SHC3: variants seen among roughly 807,000 people sequenced by gnomAD.
The protein encoded by SHC3 is SHC-transforming protein 3.
Under a neutral mutation model 60.4 loss-of-function variants are expected in SHC3, and 15 were observed. The observed-to-expected ratio is 0.25, with a 90% CI of 0.17 to 0.38. The LOEUF is 0.38. Ranked by LOEUF, SHC3 falls within the 10% of genes least tolerant of loss-of-function variation. The pLI is 1.00. For missense variants in SHC3, 677 were observed against 786.1 expected, an observed-to-expected ratio of 0.86 and a Z score of 1.66; for synonymous variants, 294 against 325.9, an observed-to-expected ratio of 0.90 and a Z score of 1.05.
At position 89,106,621 on chromosome 9, in the gene SHC3, G is replaced by A. The variant is rs532507925; in HGVS notation, c.545+5935C>T. 1.5e-4 allele frequency among the ~76,000 whole-genome samples: 23 copies of A among 152,216 alleles called. No homozygotes were observed. The East Asian group carries it at 2.9e-3, about 19-fold the overall frequency. On this transcript the variant is annotated intron_variant, in intron 2 of 11. Coordinates refer to ENST00000375835, the MANE Select transcript of SHC3 (RefSeq NM_016848.6). Reference sequence around the variant, plus strand: ...CCCCAAAGGGCCCAGCGCCCACAGCGGGACCCTGCTCCAGATGGTCCTGGG... The same window carrying A: ...CCCCAAAGGGCCCAGCGCCCACAGCAGGACCCTGCTCCAGATGGTCCTGGG...
At chr9:89,126,423 A>G in intron 1 of SHC3, among the ~76,000 whole-genome samples, 1 of 152,168 alleles carries the variant, frequency 6.6e-6, no homozygotes, top group East Asian at 1.9e-4. Flanking sequence ...TTCTCTTTTA[A>G]TTAATCTGCC....
At chr9:89,072,206 C>T (rs1331697092) in intron 4 of SHC3, among the ~76,000 whole-genome samples, 2 of 152,172 alleles carry the variant, frequency 1.3e-5, no homozygotes, top group Non-Finnish European at 2.9e-5. Context: ...CAATAAAAGT[C>T]TGACCTTGTG....
At chr9:89,057,315 CTT>C (rs10606274) in intron 6 of SHC3, among the ~76,000 whole-genome samples, 27,853 of 133,660 alleles carry the variant, frequency 0.21, 4,523 homozygotes, top group African/African-American at 0.46. Flanking sequence ...TTTCCTTTTT[CTT>C]TTTTTTTTTT....
At chr9:89,039,095 A>C (rs1301685341) in intron 10 of SHC3, among the ~76,000 whole-genome samples, 1 of 152,216 alleles carries the variant, frequency 6.6e-6, no homozygotes, top group Non-Finnish European at 1.5e-5. Flanking sequence ...GACTCTGAAA[A>C]ATGCACAGTG....
chr9:89,161,575 T>TA (rs1417922223), intron 1 of SHC3, among the ~76,000 whole-genome samples: 1 of 152,172 alleles, frequency 6.6e-6, no homozygotes, highest in Non-Finnish European at 1.5e-5. Context: ...CAGGCTGCCA[T>TA]AACAAATATA....
chr9:89,071,023 TACCCCTAAAAATAAAACGATGGCC>T (rs979532499), intron 5 of SHC3, among the ~76,000 whole-genome samples, 152 bp downstream of exon 5: 2 of 152,170 alleles, frequency 1.3e-5, no homozygotes, highest in Admixed American at 6.5e-5. Flanking sequence ...TGTCACAGCT[TACCCCTAAAAATAAAACGATGGCC>T]AAGAAGATCT....
intron 2 of SHC3, among the ~76,000 whole-genome samples, chr9:89,081,634 C>T (rs1825446417): frequency 6.6e-6 from 1 of 152,094 alleles, no homozygotes; most frequent in Non-Finnish European, 1.5e-5. Flanking sequence ...CTTTCTAATT[C>T]AATGCATTCA....
chr9:89,038,445 A>G (rs1445015000), intron 10 of SHC3, among the ~76,000 whole-genome samples, 157 bp from the exon 11 acceptor site: 1 of 152,192 alleles, frequency 6.6e-6, no homozygotes, highest in Admixed American at 6.5e-5. Flanking sequence ...CTGGCTGGTA[A>G]TATAACAAGA....
intron 11 of SHC3, chr9:89,037,428 C>A: frequency 1.5e-6 from 1 of 679,404 alleles, no homozygotes; most frequent in Non-Finnish European, 2.7e-6. Context: ...AGATGAATGT[C>A]TTTCTTGACG....
intron 2 of SHC3, among the ~76,000 whole-genome samples, chr9:89,100,560 G>A (rs774087883): frequency 2.6e-5 from 4 of 152,058 alleles, no homozygotes; most frequent in Admixed American, 1.3e-4. Context: ...ATATAGTCAC[G>A]TAACTATCAT....
intron 6 of SHC3, among the ~76,000 whole-genome samples, chr9:89,061,580 T>C (rs139446151): frequency 9.2e-4 from 140 of 152,336 alleles, no homozygotes; most frequent in African/African-American, 3.2e-3. Flanking sequence ...TATGTAGGCT[T>C]CTCTCCCATT....
rs1554697884 is a variant in SHC3, at chr9:89,118,220, A to AC, written c.475-5595_475-5594insG. On this transcript the variant is annotated intron_variant, in intron 1 of 11. Coordinates refer to ENST00000375835, the MANE Select transcript of SHC3 (RefSeq NM_016848.6). ...AATTTTTTCCATTCCGTCTCTACCTATTTTTTTTTTTTTTTTGCTAACAGA... is the reference window on the plus strand; with the variant it reads ...AATTTTTTCCATTCCGTCTCTACCTACTTTTTTTTTTTTTTTTGCTAACAGA... Among the ~76,000 whole-genome samples, 275 of 130,426 alleles carry AC rather than the reference A, an allele frequency of 2.1e-3. 4 individuals carry two copies. Among genetic ancestry groups the AC allele is most frequent in the African/African-American group, 7.2e-3 (256 of 35,488 alleles). The allele number at this position is 130,426 out of a possible 152,430, so 85.6% of individuals were successfully genotyped here. A position where few individuals can be genotyped will look rare whatever the true frequency, so the allele number is the denominator to read the frequency against.
At chr9:89,028,694 T>G (rs992821161) in intron 11 of SHC3, among the ~76,000 whole-genome samples, 19 of 144,960 alleles carry the variant, frequency 1.3e-4, no homozygotes, top group African/African-American at 4.8e-4. Context: ...ATAATCTATA[T>G]CTATATATTC....
intron 2 of SHC3, chr9:89,109,266 G>A: frequency 1.3e-6 from 1 of 758,504 alleles, no homozygotes; most frequent in Non-Finnish European, 1.6e-6. Context: ...AGGTAGAGGG[G>A]TCGCAGAGGA....
intron 1 of SHC3, among the ~76,000 whole-genome samples, chr9:89,152,222 G>A (rs1294072746): frequency 6.6e-6 from 1 of 152,144 alleles, no homozygotes; most frequent in East Asian, 1.9e-4. Flanking sequence ...GTTAAAAACG[G>A]GAGAATCCAC....
intron 1 of SHC3, among the ~76,000 whole-genome samples, chr9:89,155,731 C>T (rs989088695): frequency 1.3e-5 from 2 of 152,152 alleles, no homozygotes; most frequent in African/African-American, 2.4e-5. Flanking sequence ...AAGGACTTTC[C>T]TTGCCTTGGG....
chr9:89,045,947 G>C (rs941250784), intron 8 of SHC3, 114 bp from the exon 9 acceptor site: 1 of 937,936 alleles, frequency 1.1e-6, no homozygotes. Flanking sequence ...CGCATCCTCT[G>C]TTACACCCAA....
Position 89,009,834 on chromosome 9 carries a change from C to T in SHC3, c.*3613G>A, listed in dbSNP as rs1373629674. ...CCCAGACGTCCATCTTCAAGCATTGCTTATAGAAAGAAGCTACCCAAGTGT... is the reference window on the plus strand; with the variant it reads ...CCCAGACGTCCATCTTCAAGCATTGTTTATAGAAAGAAGCTACCCAAGTGT... On this transcript the variant is annotated 3_prime_UTR_variant, in exon 12 of 12. Coordinates refer to ENST00000375835, the MANE Select transcript of SHC3 (RefSeq NM_016848.6). 1 of 152,214 alleles carries T rather than the reference C, an allele frequency of 6.6e-6. No homozygotes were observed. Among genetic ancestry groups the T allele is most frequent in the Non-Finnish European group, 1.5e-5 (1 of 68,044 alleles). 9.4% of individuals were successfully genotyped at this position (152,214 alleles called of 1,614,324 possible).
In SHC3 at chr9:89,065,561, G is replaced by A. The variant is rs1203647093; in HGVS notation, c.803C>T (p.Ala268Val). The A allele has an allele frequency of 1.9e-6, 3 of 1,614,148 alleles. No homozygotes were observed. Among genetic ancestry groups the A allele is most frequent in the Admixed American group, 1.7e-5 (1 of 60,026 alleles). Residue 268 changes from alanine to valine, a missense_variant, in exon 6 of 12, where the codon GCA becomes GTA. Transcript: ENST00000375835. ...ATTAACAGGGTCCTTAGCCACATAT[G>A]CAACATAGTCAGTTGTGTCCTGTTA... ...GGDPDTTDYVAYVAKDPVNRR... is the reference protein window; with the variant it reads ...GGDPDTTDYVVYVAKDPVNRR...
Sources: gnomAD v4.1 joint callset for allele counts (sites outside exome capture counted in the v4.1 genomes callset) on GRCh38, gnomAD v4.1.1 for gene constraint, MANE v1.5 for transcripts, NCBI Gene and HGNC (gene_info 2026-07-23, HGNC 2026-07-21) for gene names.